The following ADAMTS10 variants were observed in gnomAD, a reference collection of about 807,000 sequenced individuals.
ADAMTS10 encodes ADAM metallopeptidase with thrombospondin type 1 motif 10.
Under a neutral mutation model 135.9 loss-of-function variants are expected in ADAMTS10, and 48 were observed. That is an observed-to-expected ratio of 0.35 (90% CI 0.28 to 0.45). The LOEUF (loss-of-function observed/expected upper bound fraction) is 0.45, where lower values mean the gene tolerates loss of function less well. Among genes scored for constraint, ADAMTS10 ranks in the 20% least tolerant of loss-of-function variants. ADAMTS10 has a pLI of 1.00. For synonymous variants in ADAMTS10, 621 were observed against 647.5 expected (o/e 0.96, Z 0.62); for missense variants, 1,131 against 1,565.2 (o/e 0.72, Z 4.68).
chr19:8,587,308 C>T (rs2146046089), intron 18 of ADAMTS10, among the ~76,000 whole-genome samples: 1 of 150,124 alleles, frequency 6.7e-6, no homozygotes, highest in Non-Finnish European at 1.5e-5. Context: ...AGGCGTGAGC[C>T]ACCACACCTG....
Position 8,592,036 on chromosome 19 carries a change from G to C in ADAMTS10, c.1655C>G (p.Pro552Arg), listed in dbSNP as rs1216168299. The change falls in exon 14 of 26, where the codon CCG becomes CGG. Residue 552 changes from proline (P) to arginine (R), a missense_variant. Coordinates refer to ENST00000597188, the MANE Select transcript of ADAMTS10 (RefSeq NM_030957.4). Reference sequence around the variant, plus strand: ...GCTGCAGTCGCCCCATGGAGTCCACGGCCCCCAGGCTCCGTCCACACCCTC... The same window carrying C: ...GCTGCAGTCGCCCCATGGAGTCCACCGCCCCCAGGCTCCGTCCACACCCTC... ...RPEGVDGAWGPWTPWGDCSRT... is the reference protein window; with the variant it reads ...RPEGVDGAWGRWTPWGDCSRT... The C allele has an allele frequency of 1.9e-6, 3 of 1,613,702 alleles. No individual in the cohort carries two copies. The highest frequency in any genetic ancestry group is 2.2e-5 in the East Asian group (1 of 44,868).
chr19:8,596,287 CTT>C lies in ADAMTS10; in HGVS notation c.1190+18_1190+19del, dbSNP rs782087101. ...GCCCAGCTCCTCCCCTCCTCCCCCT[CTT>C]GTGTGCCCTGGCCTCACGTGTGCCC... On this transcript the variant is annotated intron_variant, in intron 10 of 25. Transcript: ENST00000597188. This position sits in a 1 kb window ranked among gnomAD's most constrained non-coding sequence, Gnocchi z 7.2. 100 of 1,612,788 alleles carry C rather than the reference CTT, an allele frequency of 6.2e-5. No homozygotes were observed. The highest frequency in any genetic ancestry group is 8.2e-5 in the Non-Finnish European group (97 of 1,180,008).
intron 6 of ADAMTS10, among the ~76,000 whole-genome samples, chr19:8,598,654 C>A (rs1664209929): frequency 6.7e-6 from 1 of 148,390 alleles, no homozygotes; most frequent in Non-Finnish European, 1.5e-5. Flanking sequence ...TTGGCTCACT[C>A]ACCTCCACCT....
At position 8,589,460 on chromosome 19, in the gene ADAMTS10, C is replaced by T. The variant is rs1555738275; in HGVS notation, c.2026G>A (p.Glu676Lys). Residue 676 changes from glutamate to lysine, a missense_variant, in exon 17 of 26, where the codon GAA (glutamate) becomes AAA (lysine). Coordinates refer to ENST00000597188, the MANE Select transcript of ADAMTS10 (RefSeq NM_030957.4). ...PDTVDICVSG[E>K]CKHVGCDRVL... Reference sequence around the variant, plus strand: ...CTGGGAGTCCCCTCCACCTTGCATTCGCCACTGACGCAAATGTCCACCGTG... The same window carrying T: ...CTGGGAGTCCCCTCCACCTTGCATTTGCCACTGACGCAAATGTCCACCGTG... 9 of 1,507,814 alleles carry T rather than the reference C, an allele frequency of 6.0e-6. No homozygotes were observed. The highest frequency in any genetic ancestry group is 7.2e-6 in the Non-Finnish European group (8 of 1,113,778). 93.4% of individuals were successfully genotyped at this position (1,507,814 alleles called of 1,614,324 possible). A position where few individuals can be genotyped will look rare whatever the true frequency, so the allele number is the denominator to read the frequency against.
At position 8,605,503 on chromosome 19, in the gene ADAMTS10, C is replaced by T; in HGVS notation, c.88+120G>A. The T allele has an allele frequency of 6.8e-7, 1 of 1,479,154 alleles. No individual in the cohort carries two copies. The highest frequency in any genetic ancestry group is 9.2e-7 in the Non-Finnish European group (1 of 1,090,252). The allele number at this position is 1,479,154 out of a possible 1,614,324, so 91.6% of individuals were successfully genotyped here. A position where few individuals can be genotyped will look rare whatever the true frequency, so the allele number is the denominator to read the frequency against. On this transcript the variant is annotated intron_variant, in intron 3 of 25. Coordinates refer to ENST00000597188, the MANE Select transcript of ADAMTS10 (RefSeq NM_030957.4). This position sits in a 1 kb window ranked among gnomAD's most constrained non-coding sequence, Gnocchi z 7.7. ...TGGCTGCAAGGCTCCCGCCTATTGA[C>T]CCCAGGGCCTTCCCCCATTGACCCC...
At chr19:8,592,490 G>T (rs2042549506) in intron 13 of ADAMTS10, among the ~76,000 whole-genome samples, 1 of 151,974 alleles carries the variant, frequency 6.6e-6, no homozygotes, top group Non-Finnish European at 1.5e-5. Context: ...CGTGGCCAGA[G>T]CCGTGGGAAT....
At chr19:8,610,053 AACAC>A (rs1267177320) in intron 1 of ADAMTS10, among the ~76,000 whole-genome samples, 1 of 151,632 alleles carries the variant, frequency 6.6e-6, no homozygotes, top group South Asian at 2.1e-4. Context: ...CACAAACAGA[AACAC>A]ACACATACAT....
intron 25 of ADAMTS10, among the ~76,000 whole-genome samples, chr19:8,584,278 C>T (rs558869475): frequency 6.4e-4 from 97 of 151,558 alleles, no homozygotes; most frequent in African/African-American, 2.3e-3. Flanking sequence ...CCCCAGGGGA[C>T]ATTGGGCAAT....
rs782133446 is a variant in ADAMTS10 at position 8,596,519 on chromosome 19, T to A, written c.1084+23A>T. ...CCAGCCCACTGCCTTCATAGGCGCC[T>A]GAAACCTACGGGGCTCGGGTACCTA... On this transcript the variant is annotated intron_variant, in intron 9 of 25. Coordinates refer to ENST00000597188, the MANE Select transcript of ADAMTS10 (RefSeq NM_030957.4). This position sits in a 1 kb window ranked among gnomAD's most constrained non-coding sequence, Gnocchi z 7.2. 6.2e-7 allele frequency: 1 copy of A among 1,613,930 alleles called. No homozygotes were observed. The highest frequency in any genetic ancestry group is 1.1e-5 in the South Asian group (1 of 91,080).
chr19:8,607,964 C>G (rs574320837), intron 2 of ADAMTS10, among the ~76,000 whole-genome samples, 170 bp downstream of exon 2: 2 of 151,982 alleles, frequency 1.3e-5, no homozygotes, highest in African/African-American at 4.8e-5. Flanking sequence ...GTGTGCGCCA[C>G]CATGCCCAGC....
intron 6 of ADAMTS10, among the ~76,000 whole-genome samples, chr19:8,598,999 T>C (rs1461955181): frequency 1.3e-5 from 2 of 152,054 alleles, no homozygotes; most frequent in Non-Finnish European, 2.9e-5. Flanking sequence ...ACTTTTTGTT[T>C]TCCCTTTTGC....
At chr19:8,584,280 T>A (rs1373473217) in intron 25 of ADAMTS10, among the ~76,000 whole-genome samples, 2 of 151,702 alleles carry the variant, frequency 1.3e-5, no homozygotes, top group Non-Finnish European at 2.9e-5. Context: ...CCAGGGGACA[T>A]TGGGCAATGT....
intron 18 of ADAMTS10, among the ~76,000 whole-genome samples, chr19:8,587,640 A>C (rs185530865): frequency 3.9e-5 from 6 of 151,962 alleles, no homozygotes; most frequent in South Asian, 2.1e-4. Flanking sequence ...GCCTAATTAA[A>C]AGAATTTTGT....
rs577378842 is a variant in ADAMTS10, at chr19:8,592,005, G to C, written c.1686C>G (p.Thr562=). The C allele has an allele frequency of 6.2e-7, 1 of 1,613,738 alleles. No individual in the cohort carries two copies. The highest frequency in any genetic ancestry group is 1.3e-5 in the African/African-American group (1 of 75,054). ...TAGAAGAGGACACGCCGCCGCCACA[G>C]GTCCGGCTGCAGTCGCCCCATGGAG... ...PWTPWGDCSR[T]CGGGVSSSSR... The change falls in exon 14 of 26, where the codon ACC becomes ACG. Residue 562 remains threonine, a synonymous_variant. Coordinates refer to ENST00000597188, the MANE Select transcript of ADAMTS10 (RefSeq NM_030957.4).
At chr19:8,588,796 A>G (rs1247961399) in intron 18 of ADAMTS10, among the ~76,000 whole-genome samples, 1 of 149,112 alleles carries the variant, frequency 6.7e-6, no homozygotes, top group African/African-American at 2.5e-5. Context: ...CTCCTGAGAC[A>G]CTCTTTTTTT....
intron 22 of ADAMTS10, 56 bp from the exon 23 acceptor site, chr19:8,585,716 C>G: frequency 6.5e-7 from 1 of 1,538,330 alleles, no homozygotes; most frequent in South Asian, 1.1e-5. Context: ...CCCAACACAA[C>G]AGCAGGGGGC....
chr19:8,597,427 C>T (rs1182943970), intron 6 of ADAMTS10, 110 bp from the exon 7 acceptor site: 7 of 985,640 alleles, frequency 7.1e-6, no homozygotes, highest in Admixed American at 4.0e-5. Flanking sequence ...TACTGTGTGT[C>T]GGGTCTTAGG....
intron 6 of ADAMTS10, among the ~76,000 whole-genome samples, chr19:8,599,046 C>G (rs1374957004): frequency 1.3e-5 from 2 of 152,074 alleles, no homozygotes; most frequent in Non-Finnish European, 2.9e-5. Flanking sequence ...CAAGCCCTTA[C>G]TATGTGCCAA....
At chr19:8,583,660 T>C (rs1265521084) in intron 25 of ADAMTS10, among the ~76,000 whole-genome samples, 1 of 149,624 alleles carries the variant, frequency 6.7e-6, no homozygotes, top group African/African-American at 2.5e-5. Context: ...CAGCCTGGGC[T>C]ACATAGAAAA....
Sources: gnomAD v4.1 joint callset for allele counts (sites outside exome capture counted in the v4.1 genomes callset) on GRCh38, gnomAD v4.1.1 for gene constraint, Gnocchi (gnomAD v3.1) non-coding constraint, MANE v1.5 for transcripts, NCBI Gene and HGNC (gene_info 2026-07-23, HGNC 2026-07-21) for gene names.